RSPO3: variants seen among roughly 807,000 people sequenced by gnomAD.
The protein encoded by RSPO3 is R-spondin-3.
A neutral mutation model predicts 36.5 loss-of-function variants in RSPO3; 17 were observed. The observed-to-expected ratio is 0.47, with a 90% confidence interval of 0.32 to 0.70. The LOEUF is 0.70. Ranked by LOEUF, RSPO3 falls within the 30% of genes least tolerant of loss-of-function variation. RSPO3 has a pLI of 0.04. For missense variants in RSPO3, 294 were observed against 322.5 expected, an observed-to-expected ratio of 0.91 and a Z score of 0.68; for synonymous variants, 108 against 107.0, an observed-to-expected ratio of 1.01 and a Z score of -0.06.
Position 127,197,548 on chromosome 6 carries a change from C to T in RSPO3, c.*1541C>T. 1 of 1,549,346 alleles carries T rather than the reference C, an allele frequency of 6.5e-7. No individual in the cohort carries two copies. Among genetic ancestry groups the T allele is most frequent in the South Asian group, 1.2e-5 (1 of 83,964 alleles). Reference sequence around the variant, plus strand: ...AATCGCATGACCCACCTTAACCTTCCTGTTGTCATGGAAGGATGCACGGCT... The same window carrying T: ...AATCGCATGACCCACCTTAACCTTCTTGTTGTCATGGAAGGATGCACGGCT... On this transcript the variant is annotated 3_prime_UTR_variant, in exon 5 of 5. Coordinates refer to ENST00000356698, the MANE Select transcript of RSPO3 (RefSeq NM_032784.5).
At position 127,142,843 on chromosome 6, in the gene RSPO3, G is replaced by A. The variant is rs189265272; in HGVS notation, c.98-5805G>A. On this transcript the variant is annotated intron_variant, in intron 1 of 4. Coordinates refer to ENST00000356698, the MANE Select transcript of RSPO3 (RefSeq NM_032784.5). ...TTGTTTTTGTTTTTTTTTAGACAAG[G>A]TATCTCTCTGTCATCCAGGCTGGAG... Among the ~76,000 whole-genome samples the A allele has an allele frequency of 3.7e-3, 567 of 151,550 alleles. 5 individuals are homozygous for A. The highest frequency in any genetic ancestry group is 0.013 in the African/African-American group (530 of 41,304).
intron 1 of RSPO3, among the ~76,000 whole-genome samples, chr6:127,133,836 T>A (rs1562241129): frequency 6.6e-6 from 1 of 152,120 alleles, no homozygotes; most frequent in Non-Finnish European, 1.5e-5. Flanking sequence ...TATTAAACAA[T>A]TACTATGTGC....
intron 2 of RSPO3, 122 bp downstream of exon 2, chr6:127,148,961 A>G (rs900403857): frequency 1.8e-5 from 14 of 792,600 alleles, no homozygotes; most frequent in Middle Eastern, 3.9e-4. Flanking sequence ...TCTGATAATT[A>G]GGCTAAACCA....
intron 4 of RSPO3, among the ~76,000 whole-genome samples, chr6:127,178,581 C>T (rs1354283219): frequency 6.6e-6 from 1 of 151,652 alleles, no homozygotes; most frequent in Non-Finnish European, 1.5e-5. Context: ...TTACATTATA[C>T]ACACACAAAC....
At chr6:127,193,387 A>C (rs1375601986) in intron 4 of RSPO3, among the ~76,000 whole-genome samples, 1 of 152,212 alleles carries the variant, frequency 6.6e-6, no homozygotes, top group South Asian at 2.1e-4. Flanking sequence ...TGTGTCCAAA[A>C]CATTATGGTT....
At chr6:127,128,102 G>C (rs1773973720) in intron 1 of RSPO3, among the ~76,000 whole-genome samples, 1 of 152,040 alleles carries the variant, frequency 6.6e-6, no homozygotes, top group African/African-American at 2.4e-5. Context: ...GAGAATGTTA[G>C]AAAAGTCTGT....
intron 4 of RSPO3, among the ~76,000 whole-genome samples, chr6:127,189,365 G>C (rs1775361897): frequency 6.6e-6 from 1 of 151,658 alleles, no homozygotes; most frequent in African/African-American, 2.4e-5. Context: ...CAATATATGG[G>C]ATCAGTAAAC....
chr6:127,120,365 G>C (rs1438080915), intron 1 of RSPO3, among the ~76,000 whole-genome samples: 1 of 152,150 alleles, frequency 6.6e-6, no homozygotes, highest in Non-Finnish European at 1.5e-5. Flanking sequence ...TCTATGGTTG[G>C]GGGCGCTGGT....
intron 4 of RSPO3, among the ~76,000 whole-genome samples, chr6:127,166,831 A>G (rs950842289): frequency 1.4e-4 from 22 of 152,058 alleles, no homozygotes; most frequent in Admixed American, 2.6e-4. Flanking sequence ...ACTCTTGCCA[A>G]TCTGATTGAC....
intron 1 of RSPO3, among the ~76,000 whole-genome samples, chr6:127,126,700 C>T (rs888905624): frequency 2.0e-5 from 3 of 151,996 alleles, no homozygotes; most frequent in African/African-American, 7.2e-5. Context: ...ATCACTGTAG[C>T]GTTCTACTTT....
intron 4 of RSPO3, among the ~76,000 whole-genome samples, chr6:127,159,310 T>A (rs1304170511): frequency 1.3e-5 from 2 of 152,272 alleles, no homozygotes; most frequent in African/African-American, 4.8e-5. Flanking sequence ...TGGTTAGTTT[T>A]ACAAAAAAGA....
At chr6:127,149,531 A>G (rs1774449892) in intron 2 of RSPO3, among the ~76,000 whole-genome samples, 1 of 152,012 alleles carries the variant, frequency 6.6e-6, no homozygotes, top group South Asian at 2.1e-4. Flanking sequence ...TGGCTGTCTT[A>G]TATCATTGAT....
chr6:127,130,427 T>C (rs1187671698), intron 1 of RSPO3, among the ~76,000 whole-genome samples: 1 of 152,128 alleles, frequency 6.6e-6, no homozygotes, highest in East Asian at 1.9e-4. Context: ...ATATTGCTTA[T>C]TTTAAATCTA....
chr6:127,181,197 A>C (rs1029785116), intron 4 of RSPO3, among the ~76,000 whole-genome samples: 2 of 151,870 alleles, frequency 1.3e-5, no homozygotes, highest in Non-Finnish European at 2.9e-5. Flanking sequence ...ATCCCTCCTC[A>C]CCTGCTGGAG....
At chr6:127,180,463 A>G (rs974403090) in intron 4 of RSPO3, among the ~76,000 whole-genome samples, 2 of 148,824 alleles carry the variant, frequency 1.3e-5, no homozygotes, top group Non-Finnish European at 3.0e-5. Flanking sequence ...CCTGACAGCA[A>G]AGTGGAAAAT....
intron 4 of RSPO3, among the ~76,000 whole-genome samples, chr6:127,174,850 T>C (rs1347132277): frequency 6.6e-6 from 1 of 151,802 alleles, no homozygotes; most frequent in Non-Finnish European, 1.5e-5. Flanking sequence ...AAAGTTTTCT[T>C]AGGGCAGTTC....
chr6:127,126,073 C>A (rs963691955), intron 1 of RSPO3, among the ~76,000 whole-genome samples: 8 of 151,916 alleles, frequency 5.3e-5, no homozygotes, highest in African/African-American at 1.5e-4. Flanking sequence ...CCATATTTGG[C>A]AATAAACTTT....
At chr6:127,136,365 C>A (rs1774156674) in intron 1 of RSPO3, among the ~76,000 whole-genome samples, 1 of 152,114 alleles carries the variant, frequency 6.6e-6, no homozygotes. Context: ...TGACAAGGCA[C>A]AATTTTAAAA....
At chr6:127,124,607 T>G (rs537730144) in intron 1 of RSPO3, among the ~76,000 whole-genome samples, 4 of 152,156 alleles carry the variant, frequency 2.6e-5, no homozygotes, top group African/African-American at 9.6e-5. Flanking sequence ...AAATGTAGAT[T>G]GCTTTCTTAA....
Sources: gnomAD v4.1 joint callset for allele counts (sites outside exome capture counted in the v4.1 genomes callset) on GRCh38, gnomAD v4.1.1 for gene constraint, MANE v1.5 for transcripts, NCBI Gene and HGNC (gene_info 2026-07-23, HGNC 2026-07-21) for gene names.